The following DMXL2 variants were observed in gnomAD, a reference collection of about 807,000 sequenced individuals.
DMXL2 encodes the protein Dmx like 2.
DMXL2 carries 103 observed loss-of-function variants against 331.1 expected under a neutral mutation model. The observed-to-expected ratio is 0.31, with a 90% CI of 0.27 to 0.37. The LOEUF (loss-of-function observed/expected upper bound fraction) is 0.37. Ranked by LOEUF, DMXL2 falls within the 10% of genes least tolerant of loss-of-function variation. The pLI is 1.00. For missense variants in DMXL2, 3,171 were observed against 3,642.9 expected (o/e 0.87, Z 3.33); for synonymous variants, 1,281 against 1,252.1 (o/e 1.02, Z -0.49).
chr15:51,500,552 G>A (rs1427740624), intron 17 of DMXL2, among the ~76,000 whole-genome samples: 1 of 152,040 alleles, frequency 6.6e-6, no homozygotes, highest in Non-Finnish European at 1.5e-5. Flanking sequence ...CCCTTAATGT[G>A]TTTCTATTAT....
At chr15:51,583,106 C>CT (rs57226377) in intron 1 of DMXL2, among the ~76,000 whole-genome samples, 37 of 87,186 alleles carry the variant, frequency 4.2e-4, no homozygotes, top group African/African-American at 6.1e-4. Context: ...CTTCATTCTT[C>CT]TTTTTTTTTT....
intron 1 of DMXL2, among the ~76,000 whole-genome samples, chr15:51,597,686 C>T (rs1017844061): frequency 5.3e-5 from 8 of 152,142 alleles, no homozygotes; most frequent in Non-Finnish European, 8.8e-5. Context: ...ACAGGTTAGG[C>T]GTATCTTAAA....
chr15:51,552,357 C>T (rs978871048), intron 6 of DMXL2, among the ~76,000 whole-genome samples: 1 of 152,324 alleles, frequency 6.6e-6, no homozygotes, highest in East Asian at 1.9e-4. Context: ...TAAAGGTCTG[C>T]AGCCCCGAAG....
rs1048796976 is a variant in DMXL2 at position 51,480,947 on chromosome 15, A to G, written c.6159T>C (p.Thr2053=). Reference sequence around the variant, plus strand: ...AACCTGTAGCCAATGTTCTTAATTCAGTCATAAGGATCTTTAAACAAGCTC... The same window carrying G: ...AACCTGTAGCCAATGTTCTTAATTCGGTCATAAGGATCTTTAAACAAGCTC... ...KFRACLKILM[T]ELRTLATGYE... is the part of the protein sequence containing the mutation. Residue 2053 remains threonine (T), a synonymous_variant, in exon 24 of 44, where the codon ACT becomes ACC. Coordinates refer to ENST00000560891, the MANE Select transcript of DMXL2 (RefSeq NM_001378457.1). 6 of 1,613,810 alleles carry G rather than the reference A, an allele frequency of 3.7e-6. No individual in the cohort carries two copies. Among genetic ancestry groups the G allele is most frequent in the Non-Finnish European group, 5.1e-6 (6 of 1,179,848 alleles).
chr15:51,551,269 C>A (rs937962028), intron 6 of DMXL2, among the ~76,000 whole-genome samples: 1 of 152,104 alleles, frequency 6.6e-6, no homozygotes, highest in Non-Finnish European at 1.5e-5. Context: ...ACCAGAAAAG[C>A]ATTATCTTTC....
intron 6 of DMXL2, among the ~76,000 whole-genome samples, chr15:51,552,005 G>T (rs764658580): frequency 6.6e-6 from 1 of 152,128 alleles, no homozygotes; most frequent in African/African-American, 2.4e-5. Flanking sequence ...CATAAAAGAC[G>T]ACCAGGTAAA....
chr15:51,585,360 G>C (rs905789149), intron 1 of DMXL2, among the ~76,000 whole-genome samples: 5 of 150,976 alleles, frequency 3.3e-5, no homozygotes. Context: ...TTTTGTCAAA[G>C]GCTTTTTCTG....
rs1021581111 is a variant in DMXL2, at chr15:51,481,561, A to C, written c.5545T>G (p.Leu1849Val). Residue 1849 changes from leucine (L) to valine (V), a missense_variant, in exon 24 of 44, where the codon TTG becomes GTG. By Grantham distance (32) the Leu-to-Val change is conservative. This residue lies in a region of DMXL2 where 244 missense variants were observed against 251.4 expected (regional missense o/e 0.97). Transcript: ENST00000560891. ...GAGGCAAGATTTCTTCGAATGAGCA[A>C]AGGATGAGTTCGAAGGTAGTTATAA... is the stretch of plus-strand genomic sequence containing the variant. ...SFYNYLRTHP[L>V]LIRRNLASPE... 1.2e-6 allele frequency: 2 copies of C among 1,608,950 alleles called. No individual in the cohort carries two copies. The highest frequency in any genetic ancestry group is 1.7e-6 in the Non-Finnish European group (2 of 1,178,518).
At chr15:51,459,795 AAATT>A in intron 33 of DMXL2, 135 bp from the exon 34 acceptor site, 1 of 1,211,260 alleles carries the variant, frequency 8.3e-7, no homozygotes, top group Non-Finnish European at 1.1e-6. Context: ...AATCAAGAAA[AAATT>A]AAACCGAATA....
intron 23 of DMXL2, among the ~76,000 whole-genome samples, chr15:51,482,189 A>C (rs2042063266): frequency 1.3e-5 from 2 of 152,212 alleles, no homozygotes; most frequent in Non-Finnish European, 2.9e-5. Flanking sequence ...ATAATCACAC[A>C]GAGATGAACT....
chr15:51,618,635 C>A (rs1032036872), intron 1 of DMXL2, among the ~76,000 whole-genome samples: 2 of 151,952 alleles, frequency 1.3e-5, no homozygotes, highest in Admixed American at 1.3e-4. Context: ...TATATTTTTT[C>A]AACATTCTAA....
chr15:51,601,172 T>A (rs976057417), intron 1 of DMXL2, among the ~76,000 whole-genome samples: 5 of 151,590 alleles, frequency 3.3e-5, no homozygotes, highest in African/African-American at 7.3e-5. Flanking sequence ...GCGCCTGTAG[T>A]CCCAGCTACT....
In DMXL2 at chr15:51,523,548, T is replaced by C. The variant is rs118097869; in HGVS notation, c.2437-6381A>G. On this transcript the variant is annotated intron_variant, in intron 13 of 43. Transcript: ENST00000560891. Reference sequence around the variant, plus strand: ...GTTTGAACGTAGGGTCTTGCAGACATAACTAGTTTAAAAAAAGGTCACACT... The same window carrying C: ...GTTTGAACGTAGGGTCTTGCAGACACAACTAGTTTAAAAAAAGGTCACACT... Among the ~76,000 whole-genome samples the C allele has an allele frequency of 1.6e-3, 247 of 152,290 alleles. 1 individual carries two copies. The East Asian group carries it at 0.026, about 16-fold the overall frequency.
chr15:51,514,646 CAG>C, intron 14 of DMXL2, 87 bp from the exon 15 acceptor site: 1 of 758,430 alleles, frequency 1.3e-6, no homozygotes, highest in South Asian at 1.6e-5. Flanking sequence ...AATGCTAATG[CAG>C]AAGAAATATA....
intron 13 of DMXL2, among the ~76,000 whole-genome samples, chr15:51,521,902 T>C (rs1167525769): frequency 6.6e-6 from 1 of 152,212 alleles, no homozygotes; most frequent in African/African-American, 2.4e-5. Context: ...AATAAGTTAC[T>C]GAGTGAAAAC....
intron 2 of DMXL2, among the ~76,000 whole-genome samples, chr15:51,570,666 C>T (rs973600026): frequency 6.6e-6 from 1 of 152,086 alleles, no homozygotes; most frequent in African/African-American, 2.4e-5. Context: ...ATTTTCAACC[C>T]AGAATTTCAT....
At chr15:51,559,755 T>G (rs2049836387) in intron 6 of DMXL2, among the ~76,000 whole-genome samples, 1 of 151,690 alleles carries the variant, frequency 6.6e-6, no homozygotes, top group Non-Finnish European at 1.5e-5. Flanking sequence ...TACACGGAGG[T>G]GGTACTTGAC....
chr15:51,493,893 A>C (rs2042975720), intron 19 of DMXL2, among the ~76,000 whole-genome samples: 2 of 152,166 alleles, frequency 1.3e-5, no homozygotes, highest in South Asian at 4.1e-4. Flanking sequence ...TGGCATCATC[A>C]AACTTCTTTT....
chr15:51,524,567 C>T (rs778714819), intron 13 of DMXL2, among the ~76,000 whole-genome samples: 1 of 152,112 alleles, frequency 6.6e-6, no homozygotes, highest in African/African-American at 2.4e-5. Context: ...GCAGCAGCAG[C>T]GTGGTGCTGA....
Sources: allele counts gnomAD v4.1 joint callset (sites outside exome capture counted in the v4.1 genomes callset), GRCh38; gene constraint gnomAD v4.1.1; regional missense constraint gnomAD v4.1.1; transcripts MANE v1.5; gene names NCBI Gene and HGNC (gene_info 2026-07-23, HGNC 2026-07-21).